MAML3: variants seen among roughly 807,000 people sequenced by gnomAD.
The protein encoded by MAML3 is mastermind like transcriptional coactivator 3, also known as mastermind-like protein 3.
In MAML3, 27 loss-of-function variants were observed where a neutral mutation model predicts 101.9. The observed-to-expected ratio is 0.27, with a 90% CI of 0.20 to 0.37. MAML3 has a LOEUF of 0.37. Among genes scored for constraint, MAML3 ranks in the 10% least tolerant of loss-of-function variants. MAML3 has a pLI of 1.00. For missense variants in MAML3, 1,316 were observed against 1,444.9 expected, an observed-to-expected ratio of 0.91 and a Z score of 1.45; for synonymous variants, 501 against 555.9, an observed-to-expected ratio of 0.90 and a Z score of 1.39.
intron 2 of MAML3, among the ~76,000 whole-genome samples, chr4:139,829,870 TA>T (rs995806344): frequency 1.3e-5 from 2 of 152,182 alleles, no homozygotes; most frequent in Non-Finnish European, 2.9e-5. Context: ...TATAACTTTT[TA>T]AAAAAATATC....
At chr4:140,081,365 C>T (rs2110968522) in intron 1 of MAML3, among the ~76,000 whole-genome samples, 1 of 152,276 alleles carries the variant, frequency 6.6e-6, no homozygotes. Flanking sequence ...ACTGTCTTAT[C>T]ACTGAGAAGA....
At chr4:139,880,680 C>T (rs898758766) in intron 2 of MAML3, among the ~76,000 whole-genome samples, 1 of 152,104 alleles carries the variant, frequency 6.6e-6, no homozygotes, top group Non-Finnish European at 1.5e-5. Context: ...TAAGAGAGCA[C>T]TTTTGGTTTT....
At chr4:140,151,906 T>G (rs1729177755) in intron 1 of MAML3, among the ~76,000 whole-genome samples, 1 of 152,206 alleles carries the variant, frequency 6.6e-6, no homozygotes, top group African/African-American at 2.4e-5. Context: ...ACCTCCCTGC[T>G]ACCTTCCATT....
intron 2 of MAML3, among the ~76,000 whole-genome samples, chr4:139,858,225 G>A (rs554482818): frequency 7.9e-5 from 12 of 152,320 alleles, no homozygotes; most frequent in Middle Eastern, 3.4e-3. Flanking sequence ...AGTAATTGGT[G>A]TGCTTTACAC....
intron 1 of MAML3, among the ~76,000 whole-genome samples, chr4:139,943,284 G>A (rs1219024315): frequency 1.3e-5 from 2 of 152,190 alleles, no homozygotes; most frequent in South Asian, 2.1e-4. Context: ...AGACAGCCAC[G>A]ATTGACAGGA....
chr4:140,116,134 T>A (rs1728512771), intron 1 of MAML3, among the ~76,000 whole-genome samples: 1 of 152,238 alleles, frequency 6.6e-6, no homozygotes, highest in Admixed American at 6.5e-5. Context: ...ATAGGTTAAA[T>A]GTCCTTCCCA....
chr4:139,771,081 G>A (rs923449558), intron 2 of MAML3, among the ~76,000 whole-genome samples: 11 of 152,314 alleles, frequency 7.2e-5, no homozygotes, highest in South Asian at 4.1e-4. Context: ...TACAGTACTC[G>A]GAATCTTACG....
intron 1 of MAML3, among the ~76,000 whole-genome samples, chr4:139,927,250 G>A (rs567528967): frequency 2.3e-4 from 35 of 152,098 alleles, no homozygotes; most frequent in East Asian, 9.7e-4. Flanking sequence ...ATGAGGTTAC[G>A]TATTTTTAGC....
chr4:140,041,427 C>G (rs776590175), intron 1 of MAML3, among the ~76,000 whole-genome samples: 2 of 152,070 alleles, frequency 1.3e-5, no homozygotes, highest in African/African-American at 4.8e-5. Flanking sequence ...AGTTTGAGAC[C>G]AGCCTGGCCA....
At chr4:139,744,651 C>G (rs1215792974) in intron 2 of MAML3, among the ~76,000 whole-genome samples, 5 of 152,216 alleles carry the variant, frequency 3.3e-5, no homozygotes, top group Non-Finnish European at 7.3e-5. Context: ...CCCAGTACCC[C>G]AGCACAATGG....
intron 1 of MAML3, among the ~76,000 whole-genome samples, chr4:140,056,023 T>C (rs1727343560): frequency 6.6e-6 from 1 of 152,190 alleles, no homozygotes; most frequent in South Asian, 2.1e-4. Context: ...GAGAATCAGC[T>C]GCAGCAACAG....
intron 2 of MAML3, among the ~76,000 whole-genome samples, chr4:139,874,256 C>T (rs1461003566): frequency 6.6e-6 from 1 of 151,970 alleles, no homozygotes; most frequent in Non-Finnish European, 1.5e-5. Flanking sequence ...AGATGTTTTC[C>T]TCATTTAAAA....
intron 1 of MAML3, among the ~76,000 whole-genome samples, chr4:140,044,989 C>G (rs78452734): frequency 6.6e-6 from 1 of 152,116 alleles, no homozygotes; most frequent in African/African-American, 2.4e-5. Context: ...AAAGAAAAAT[C>G]AAAGAAAAAA....
In MAML3 at chr4:139,769,230, GTTC is replaced by G. The variant is rs1343712072; in HGVS notation, c.2080-38566_2080-38564del. On this transcript the variant is annotated intron_variant, in intron 2 of 4. Transcript: ENST00000509479. ...AGGCAGGCAGGGATACAGAGTGGGT[GTTC>G]TTCTCCTACAGGAGGAGAGATGCAT... Among the ~76,000 whole-genome samples the G allele has an allele frequency of 7.9e-5, 12 of 152,328 alleles. 1 individual carries two copies. Among genetic ancestry groups the G allele is most frequent in the South Asian group, 2.1e-4 (1 of 4,826 alleles).
intron 1 of MAML3, among the ~76,000 whole-genome samples, chr4:140,113,417 A>C (rs1281823442): frequency 6.6e-6 from 1 of 152,218 alleles, no homozygotes; most frequent in East Asian, 1.9e-4. Context: ...CATTAGTCTC[A>C]TGGAAAAAGT....
At chr4:140,002,163 T>C (rs998146441) in intron 1 of MAML3, among the ~76,000 whole-genome samples, 2 of 152,194 alleles carry the variant, frequency 1.3e-5, no homozygotes, top group African/African-American at 4.8e-5. Context: ...CTTATTCCTT[T>C]TGTCTAATTG....
rs147300351 is a variant in MAML3, at chr4:139,723,605, C to T, written c.2416+2146G>A. Among the ~76,000 whole-genome samples the T allele has an allele frequency of 1.8e-3, 271 of 152,242 alleles. 1 individual carries two copies. Among genetic ancestry groups the T allele is most frequent in the African/African-American group, 6.3e-3 (260 of 41,528 alleles). ...GGGATTACAGGAGTGAGCAACTGCA[C>T]CTGCCTGGAATAGAAGTTTTTAACT... On this transcript the variant is annotated intron_variant, in intron 4 of 4. Coordinates refer to ENST00000509479, the MANE Select transcript of MAML3 (RefSeq NM_018717.5).
chr4:139,755,435 C>T (rs537420719), intron 2 of MAML3, among the ~76,000 whole-genome samples: 4 of 152,174 alleles, frequency 2.6e-5, no homozygotes, highest in Admixed American at 6.5e-5. Flanking sequence ...GGTGAAACCC[C>T]GTCTCTACTA....
intron 2 of MAML3, among the ~76,000 whole-genome samples, chr4:139,875,094 T>A (rs945994595): frequency 6.6e-6 from 1 of 152,178 alleles, no homozygotes; most frequent in Non-Finnish European, 1.5e-5. Flanking sequence ...TGAGCCATCA[T>A]GCCCAGCTGA....
Sources: gnomAD v4.1 joint callset for allele counts (sites outside exome capture counted in the v4.1 genomes callset) on GRCh38, gnomAD v4.1.1 for gene constraint, MANE v1.5 for transcripts, NCBI Gene and HGNC (gene_info 2026-07-23, HGNC 2026-07-21) for gene names.